The following FLT1 variants were observed in gnomAD, a reference collection of about 807,000 sequenced individuals.
FLT1 encodes the protein vascular endothelial growth factor receptor 1.
A neutral mutation model predicts 156.3 loss-of-function variants in FLT1; 49 were observed. That is an observed-to-expected ratio of 0.31 (90% CI 0.25 to 0.40). The LOEUF (loss-of-function observed/expected upper bound fraction) is 0.40, where lower values mean the gene tolerates loss of function less well. Ranked by LOEUF, FLT1 falls within the 10% of genes least tolerant of loss-of-function variation. FLT1 has a pLI of 1.00. For synonymous variants in FLT1, 594 were observed against 583.8 expected, an observed-to-expected ratio of 1.02 and a Z score of -0.25; for missense variants, 1,322 against 1,637.2, an observed-to-expected ratio of 0.81 and a Z score of 3.32.
intron 15 of FLT1, chr13:28,345,839 C>T (rs1222644471): frequency 9.1e-6 from 3 of 328,816 alleles, no homozygotes; most frequent in Non-Finnish European, 1.1e-5. Flanking sequence ...ATTCCAGAAA[C>T]AGCTAAGTAA....
At chr13:28,460,646 TG>T (rs2137607824) in intron 3 of FLT1, among the ~76,000 whole-genome samples, 1 of 151,718 alleles carries the variant, frequency 6.6e-6, no homozygotes, top group East Asian at 1.9e-4. Context: ...TCAGTACTGG[TG>T]TGCCCCTCCC....
chr13:28,370,093 T>C (rs1593715585), intron 14 of FLT1, among the ~76,000 whole-genome samples: 1 of 151,896 alleles, frequency 6.6e-6, no homozygotes, highest in Non-Finnish European at 1.5e-5. Flanking sequence ...TTCCAGCTAC[T>C]TGGGGAGGTG....
At chr13:28,374,366 G>A (rs934449809) in intron 14 of FLT1, among the ~76,000 whole-genome samples, 5 of 151,816 alleles carry the variant, frequency 3.3e-5, no homozygotes, top group African/African-American at 9.7e-5. Context: ...AGTGAGCCAC[G>A]ATCATGTCAC....
chr13:28,420,151 G>A (rs574950589), intron 10 of FLT1, among the ~76,000 whole-genome samples: 4 of 152,290 alleles, frequency 2.6e-5, no homozygotes, highest in African/African-American at 4.8e-5. Context: ...GCTGTTGTCC[G>A]AACAGTCACA....
At chr13:28,398,990 TA>T in intron 11 of FLT1, 1 of 1,210,962 alleles carries the variant, frequency 8.3e-7, no homozygotes, top group Non-Finnish European at 1.2e-6. Context: ...AGGTGGGACA[TA>T]AAAAATTCTG....
intron 16 of FLT1, among the ~76,000 whole-genome samples, chr13:28,340,033 G>A (rs773724734): frequency 2.0e-5 from 3 of 152,086 alleles, no homozygotes; most frequent in Non-Finnish European, 4.4e-5. Flanking sequence ...TGGCCAACAT[G>A]ATGAATCCCT....
chr13:28,413,360 T>C (rs1379572723), intron 10 of FLT1, among the ~76,000 whole-genome samples: 1 of 148,918 alleles, frequency 6.7e-6, no homozygotes, highest in Non-Finnish European at 1.5e-5. Flanking sequence ...GCCAGCAATC[T>C]CCCCGCCCTC....
intron 3 of FLT1, among the ~76,000 whole-genome samples, chr13:28,453,829 T>C (rs1566036268): frequency 6.6e-6 from 1 of 152,158 alleles, no homozygotes; most frequent in Admixed American, 6.5e-5. Flanking sequence ...CTGTGTACTA[T>C]ACCCTGTGCT....
intron 3 of FLT1, among the ~76,000 whole-genome samples, chr13:28,465,297 G>A (rs1012406137): frequency 2.6e-5 from 4 of 152,024 alleles, no homozygotes; most frequent in African/African-American, 9.7e-5. Flanking sequence ...ATCCCTTGAC[G>A]GCAAACTGCT....
At chr13:28,383,296 C>T (rs1874157100) in intron 14 of FLT1, among the ~76,000 whole-genome samples, 2 of 151,948 alleles carry the variant, frequency 1.3e-5, no homozygotes, top group South Asian at 4.1e-4. Flanking sequence ...TTCCAAAAAC[C>T]AAAGAACTTT....
chr13:28,385,499 C>T, intron 13 of FLT1: 3 of 1,010,126 alleles, frequency 3.0e-6, no homozygotes, highest in Non-Finnish European at 3.6e-6. Flanking sequence ...GTTTGTGTTA[C>T]TCAACTGTCA....
intron 14 of FLT1, among the ~76,000 whole-genome samples, chr13:28,365,273 G>A (rs1045613981): frequency 1.3e-5 from 2 of 151,842 alleles, no homozygotes; most frequent in Non-Finnish European, 2.9e-5. Context: ...ATGCAAAATA[G>A]TATTGAGGTC....
intron 10 of FLT1, among the ~76,000 whole-genome samples, chr13:28,426,021 A>G (rs1459679489): frequency 6.6e-6 from 1 of 152,188 alleles, no homozygotes; most frequent in Admixed American, 6.5e-5. Context: ...TCTGAGAGTA[A>G]TACACCCTAA....
chr13:28,311,823 C>T (rs1040544036), intron 26 of FLT1, 91 bp from the exon 27 acceptor site: 2 of 1,430,538 alleles, frequency 1.4e-6, no homozygotes, highest in Non-Finnish European at 2.0e-6. Flanking sequence ...ATGTCATTTG[C>T]ACAATCTTGG....
chr13:28,448,017 C>A (rs1878714846), intron 3 of FLT1, among the ~76,000 whole-genome samples: 1 of 152,120 alleles, frequency 6.6e-6, no homozygotes, highest in Admixed American at 6.6e-5. Flanking sequence ...AGATACTTAA[C>A]ATCATAAGCC....
chr13:28,484,886 C>T (rs959563859), intron 1 of FLT1, among the ~76,000 whole-genome samples: 5 of 139,352 alleles, frequency 3.6e-5, no homozygotes, highest in South Asian at 2.2e-4. Context: ...TTAAGAGGAC[C>T]GTACCTCTCG....
At chr13:28,313,949 T>C (rs1003741084) in intron 25 of FLT1, among the ~76,000 whole-genome samples, 1 of 148,828 alleles carries the variant, frequency 6.7e-6, no homozygotes, top group Admixed American at 6.7e-5. Flanking sequence ...GTAGTCCCAA[T>C]GCTTTGGGAG....
chr13:28,390,116 G>C lies in FLT1; in HGVS notation c.1661-12C>G. On this transcript the variant is annotated splice_polypyrimidine_tract_variant and intron_variant, in intron 12 of 29. Coordinates refer to ENST00000282397, the MANE Select transcript of FLT1 (RefSeq NM_002019.4). ...CCCATTTGGCACATCTATAAAATAA[G>C]AATAAAGAACTTCAGTTCACAGAAA... 6.2e-7 allele frequency: 1 copy of C among 1,610,724 alleles called. No homozygotes were observed. Among genetic ancestry groups the C allele is most frequent in the Non-Finnish European group, 8.5e-7 (1 of 1,177,194 alleles).
intron 22 of FLT1, 44 bp from the exon 23 acceptor site, chr13:28,321,629 A>G (rs1350180132): frequency 6.2e-7 from 1 of 1,604,954 alleles, no homozygotes; most frequent in Non-Finnish European, 8.5e-7. Flanking sequence ...CCTTAACCTA[A>G]CCAACTAATT....
Sources: allele counts gnomAD v4.1 joint callset (sites outside exome capture counted in the v4.1 genomes callset), GRCh38; gene constraint gnomAD v4.1.1; transcripts MANE v1.5; gene names NCBI Gene and HGNC (gene_info 2026-07-23, HGNC 2026-07-21).